Variants in PDPN observed in about 807,000 individuals in gnomAD.
PDPN encodes the protein podoplanin.
A neutral mutation model predicts 23.2 loss-of-function variants in PDPN; 12 were observed. The observed-to-expected ratio is 0.52, with a 90% CI of 0.33 to 0.84. The LOEUF (loss-of-function observed/expected upper bound fraction) is 0.84, where lower values mean the gene tolerates loss of function less well. Among genes scored for constraint, PDPN ranks in the 40% least tolerant of loss-of-function variants. PDPN has a pLI of 0.02. For missense variants in PDPN, 199 were observed against 212.2 expected (o/e 0.94, Z 0.39); for synonymous variants, 77 against 76.7 (o/e 1.00, Z -0.02).
In PDPN at chr1:13,616,039, C is replaced by A; in HGVS notation, c.*128C>A. ...ACTTGCCTGGCCCACTCAGAATCCACGGTGACCTCTCCGCTTGCCAAAATA... is the reference window on the plus strand; with the variant it reads ...ACTTGCCTGGCCCACTCAGAATCCAAGGTGACCTCTCCGCTTGCCAAAATA... On this transcript the variant is annotated 3_prime_UTR_variant, in exon 6 of 6. Transcript: ENST00000621990. 1 of 855,754 alleles carries A rather than the reference C, an allele frequency of 1.2e-6. No homozygotes were observed. Among genetic ancestry groups the A allele is most frequent in the Non-Finnish European group, 2.0e-6 (1 of 506,994 alleles). The allele number at this position is 855,754 out of a possible 1,614,324, so 53.0% of individuals were successfully genotyped here. A position where few individuals can be genotyped will look rare whatever the true frequency, so the allele number is the denominator to read the frequency against.
rs1641084504 is a variant in PDPN, at chr1:13,616,781, T to G, written c.*870T>G. 1 of 152,280 alleles carries G rather than the reference T, an allele frequency of 6.6e-6. No homozygotes were observed. The highest frequency in any genetic ancestry group is 1.5e-5 in the Non-Finnish European group (1 of 68,096). 9.4% of individuals were successfully genotyped at this position (152,280 alleles called of 1,614,324 possible). A position where few individuals can be genotyped will look rare whatever the true frequency, so the allele number is the denominator to read the frequency against. On this transcript the variant is annotated 3_prime_UTR_variant, in exon 6 of 6. Coordinates refer to ENST00000621990, the MANE Select transcript of PDPN (RefSeq NM_006474.5). ...GTTCTGGAATATGGATATCTCAGCC[T>G]GGATGCCGAGGAAGCTGCTGGATGC... is the stretch of plus-strand genomic sequence containing the variant.
chr1:13,602,776 C>T (rs1314705116), intron 1 of PDPN, among the ~76,000 whole-genome samples: 1 of 151,880 alleles, frequency 6.6e-6, no homozygotes, highest in Non-Finnish European at 1.5e-5. Flanking sequence ...ACCATGTTGG[C>T]CAGGCTGATC....
rs182760207 is a variant in PDPN at position 13,611,145 on chromosome 1, C to T, written c.331+629C>T. 4.3e-3 allele frequency among the ~76,000 whole-genome samples: 658 copies of T among 151,860 alleles called. 5 individuals are homozygous for T. Among genetic ancestry groups the T allele is most frequent in the Middle Eastern group, 0.024 (7 of 294 alleles). On this transcript the variant is annotated intron_variant, in intron 3 of 5. Transcript: ENST00000621990. ...CTGAGGCAGGAGAATGGCCTGAACC[C>T]AGGAGGTGGAGCTTACAGTGAGCCC...
rs16852007 is a variant in PDPN, at chr1:13,596,948, G to A, written c.68-10225G>A. On this transcript the variant is annotated intron_variant, in intron 1 of 5. Transcript: ENST00000621990. ...GGTGGCCGGCAGAGTGCTGGAAAAT[G>A]TTGGAGGTTGGCACCTTTCTACTGT... Among the ~76,000 whole-genome samples, 1,301 of 152,272 alleles carry A rather than the reference G, an allele frequency of 8.5e-3. 51 individuals carry two copies. In the East Asian group the frequency reaches 0.11, roughly 13 times the overall value.
chr1:13,614,957 T>C (rs77244498), intron 5 of PDPN: 4,904 of 368,806 alleles, frequency 0.013, 107 homozygotes, highest in South Asian at 0.047. Context: ...TCTCTTGTTT[T>C]AATTTTCCAA....
At chr1:13,589,298 G>A (rs1381835002) in intron 1 of PDPN, among the ~76,000 whole-genome samples, 1 of 152,198 alleles carries the variant, frequency 6.6e-6, no homozygotes, top group African/African-American at 2.4e-5. Context: ...TGCATACAAA[G>A]CGTTGGAAAA....
At chr1:13,595,127 A>G (rs1204502799) in intron 1 of PDPN, among the ~76,000 whole-genome samples, 1 of 152,198 alleles carries the variant, frequency 6.6e-6, no homozygotes, top group Non-Finnish European at 1.5e-5. Context: ...TAGAGGTTAA[A>G]TGCAAAGATC....
At position 13,614,213 on chromosome 1, in the gene PDPN, G is replaced by A. The variant is rs1641007388; in HGVS notation, c.371-87G>A. On this transcript the variant is annotated intron_variant, in intron 4 of 5. Coordinates refer to ENST00000621990, the MANE Select transcript of PDPN (RefSeq NM_006474.5). ...AGCAATATTTGCTATGTGCAGTAGG[G>A]CAGTGGCTTTGTTTATATGTTACAT... is the stretch of plus-strand genomic sequence containing the variant. 3 of 714,340 alleles carry A rather than the reference G, an allele frequency of 4.2e-6. No homozygotes were observed. The African/African-American group carries it at 5.3e-5, about 13-fold the overall frequency. 44.3% of individuals were successfully genotyped at this position (714,340 alleles called of 1,614,324 possible).
intron 1 of PDPN, among the ~76,000 whole-genome samples, chr1:13,595,128 T>C (rs1262727687): frequency 6.6e-6 from 1 of 152,158 alleles, no homozygotes; most frequent in Non-Finnish European, 1.5e-5. Flanking sequence ...AGAGGTTAAA[T>C]GCAAAGATCT....
At chr1:13,605,700 G>A (rs1039042396) in intron 1 of PDPN, among the ~76,000 whole-genome samples, 1 of 152,064 alleles carries the variant, frequency 6.6e-6, no homozygotes, top group Non-Finnish European at 1.5e-5. Context: ...TTGGCTCACT[G>A]CAACCCCCAC....
intron 1 of PDPN, among the ~76,000 whole-genome samples, chr1:13,585,279 C>CACACAG (rs918180449): frequency 2.0e-5 from 3 of 152,146 alleles, no homozygotes; most frequent in Non-Finnish European, 2.9e-5. Context: ...TACAATGGTC[C>CACACAG]ACACAGACAA....
chr1:13,592,201 A>G (rs1471964646), intron 1 of PDPN, among the ~76,000 whole-genome samples: 2 of 152,204 alleles, frequency 1.3e-5, no homozygotes, highest in East Asian at 1.9e-4. Context: ...CCTCCTTTAT[A>G]TATTCTAGAT....
At chr1:13,613,899 GA>G (rs1640999812) in intron 4 of PDPN, among the ~76,000 whole-genome samples, 174 bp downstream of exon 4, 1 of 129,794 alleles carries the variant, frequency 7.7e-6, no homozygotes. Context: ...TTTAAAGAGA[GA>G]AAAGGGAATT....
At chr1:13,588,744 T>C (rs895032138) in intron 1 of PDPN, among the ~76,000 whole-genome samples, 1 of 150,834 alleles carries the variant, frequency 6.6e-6, no homozygotes, top group Non-Finnish European at 1.5e-5. Context: ...AGTAGCACTA[T>C]CTCGTCTCAC....
chr1:13,603,131 T>C (rs1640690299), intron 1 of PDPN, among the ~76,000 whole-genome samples: 1 of 151,928 alleles, frequency 6.6e-6, no homozygotes, highest in South Asian at 2.1e-4. Flanking sequence ...AAAAAAGAAA[T>C]GCCCACTTTG....
At chr1:13,592,583 C>G (rs745577910) in intron 1 of PDPN, among the ~76,000 whole-genome samples, 22 of 116,276 alleles carry the variant, frequency 1.9e-4, no homozygotes, top group Non-Finnish European at 3.4e-4. Flanking sequence ...GAGTTTTGCT[C>G]TTGTTACCCA....
intron 1 of PDPN, chr1:13,596,057 G>C (rs960628763): frequency 2.9e-6 from 1 of 350,808 alleles, no homozygotes. Context: ...AAATTAGCTG[G>C]ACATGGTGGC....
intron 2 of PDPN, among the ~76,000 whole-genome samples, chr1:13,609,312 T>G (rs1035181307): frequency 4.6e-5 from 7 of 152,202 alleles, no homozygotes; most frequent in Non-Finnish European, 1.0e-4. Context: ...ATGTTCATAT[T>G]CTGCTACCCC....
At chr1:13,600,610 C>T (rs1241926268) in intron 1 of PDPN, among the ~76,000 whole-genome samples, 2 of 152,180 alleles carry the variant, frequency 1.3e-5, no homozygotes, top group Admixed American at 1.3e-4. Flanking sequence ...GGTCATCCAC[C>T]TGCCTTGGCC....
Sources: allele counts gnomAD v4.1 joint callset (sites outside exome capture counted in the v4.1 genomes callset), GRCh38; gene constraint gnomAD v4.1.1; transcripts MANE v1.5; gene names NCBI Gene and HGNC (gene_info 2026-07-23, HGNC 2026-07-21).